Variants in HSCB observed in about 807,000 individuals in gnomAD.
HSCB encodes the protein HscB mitochondrial iron-sulfur cluster cochaperone.
HSCB carries 23 observed loss-of-function variants against 31.3 expected under a neutral mutation model. That is an observed-to-expected ratio of 0.74 (90% CI 0.53 to 1.04). The LOEUF is 1.04. Among genes scored for constraint, HSCB ranks in the 50% least tolerant of loss-of-function variants. The pLI, the probability that HSCB is intolerant of heterozygous loss-of-function variation, is 0.00. For synonymous variants in HSCB, 110 were observed against 104.5 expected (o/e 1.05, Z -0.32); for missense variants, 297 against 288.1 (o/e 1.03, Z -0.22).
chr22:28,749,143 A>AG (rs1487686027), intron 4 of HSCB, among the ~76,000 whole-genome samples: 2 of 102,608 alleles, frequency 1.9e-5, no homozygotes, highest in African/African-American at 9.2e-5. Context: ...CACGTCTCAA[A>AG]GAAAAAAAAA....
At chr22:28,755,071 G>A (rs1474408179) in intron 5 of HSCB, among the ~76,000 whole-genome samples, 1 of 149,320 alleles carries the variant, frequency 6.7e-6, no homozygotes, top group Non-Finnish European at 1.5e-5. Flanking sequence ...TGGGATTACA[G>A]GCGTGAGCCA....
intron 3 of HSCB, chr22:28,745,573 A>G (rs2054672076): frequency 5.0e-6 from 1 of 198,092 alleles, no homozygotes; most frequent in Non-Finnish European, 1.0e-5. Flanking sequence ...CTTACAATCT[A>G]GAAAATTTTA....
intron 5 of HSCB, among the ~76,000 whole-genome samples, chr22:28,756,573 A>C (rs1350349158): frequency 1.3e-5 from 2 of 151,368 alleles, no homozygotes; most frequent in Non-Finnish European, 2.9e-5. Flanking sequence ...GGCTCAAGGG[A>C]TCCTCCCACC....
intron 1 of HSCB, chr22:28,742,727 G>A (rs17878974): frequency 1.3e-3 from 316 of 235,994 alleles, no homozygotes; most frequent in Middle Eastern, 3.3e-3. Context: ...TGAATGAATA[G>A]GGTGAGTAAG....
chr22:28,742,587 A>G, intron 1 of HSCB: 1 of 436,702 alleles, frequency 2.3e-6, no homozygotes, highest in Non-Finnish European at 4.0e-6. Flanking sequence ...AGTTAGAGGA[A>G]ATAGGGGGGC....
chr22:28,746,317 A>T (rs572086996), intron 4 of HSCB, among the ~76,000 whole-genome samples: 138 of 140,740 alleles, frequency 9.8e-4, no homozygotes, highest in African/African-American at 3.6e-3. Flanking sequence ...AGAGGCAGAG[A>T]TTGCAGTAAG....
intron 5 of HSCB, among the ~76,000 whole-genome samples, chr22:28,751,745 C>CAA (rs201705418): frequency 3.8e-5 from 4 of 104,816 alleles, no homozygotes; most frequent in Admixed American, 1.0e-4. Flanking sequence ...GACTCCATCT[C>CAA]AAAAAAAAAA....
At chr22:28,753,420 C>T (rs1569188821) in intron 5 of HSCB, among the ~76,000 whole-genome samples, 1 of 151,500 alleles carries the variant, frequency 6.6e-6, no homozygotes, top group Non-Finnish European at 1.5e-5. Flanking sequence ...CCCAGCTACT[C>T]AGGAGGCTGA....
chr22:28,742,530 G>A (rs2054590562), intron 1 of HSCB, 199 bp downstream of exon 1: 1 of 949,266 alleles, frequency 1.1e-6, no homozygotes, highest in East Asian at 2.7e-5. Context: ...AAGCAACGTT[G>A]AGGTGTGGAG....
chr22:28,749,788 G>A (rs535695632), intron 4 of HSCB, among the ~76,000 whole-genome samples: 51 of 152,226 alleles, frequency 3.4e-4, no homozygotes, highest in African/African-American at 1.0e-3. Flanking sequence ...AATTTTAGAC[G>A]TCAGGGCAGC....
intron 4 of HSCB, among the ~76,000 whole-genome samples, chr22:28,750,400 G>T (rs909416271): frequency 6.6e-6 from 1 of 151,936 alleles, no homozygotes; most frequent in Non-Finnish European, 1.5e-5. Flanking sequence ...AATGTTCAAG[G>T]GCATAGAGCT....
intron 1 of HSCB, chr22:28,742,608 G>T (rs1316082146): frequency 2.1e-6 from 1 of 487,064 alleles, no homozygotes; most frequent in Non-Finnish European, 3.6e-6. Flanking sequence ...CGAGGCTAGA[G>T]GGGAGGGAGA....
chr22:28,755,686 C>A (rs1307911771), intron 5 of HSCB, among the ~76,000 whole-genome samples: 3 of 152,110 alleles, frequency 2.0e-5, no homozygotes, highest in Non-Finnish European at 4.4e-5. Flanking sequence ...TGGAATGATG[C>A]AAATGGTTAT....
At chr22:28,752,378 C>T (rs2146221188) in intron 5 of HSCB, among the ~76,000 whole-genome samples, 1 of 149,516 alleles carries the variant, frequency 6.7e-6, no homozygotes, top group South Asian at 2.1e-4. Flanking sequence ...CTGCAGTAAG[C>T]CAAGATCACG....
chr22:28,743,592 T>TCTTGCTCCCACCTCGAGGTC (rs1312650135), intron 1 of HSCB, among the ~76,000 whole-genome samples: 1 of 152,190 alleles, frequency 6.6e-6, no homozygotes, highest in Non-Finnish European at 1.5e-5. Flanking sequence ...GGCATCCCCA[T>TCTTGCTCCCACCTCGAGGTC]CTTGCTCCCA....
chr22:28,749,184 A>C (rs369542398), intron 4 of HSCB, among the ~76,000 whole-genome samples: 14 of 151,414 alleles, frequency 9.2e-5, no homozygotes, highest in African/African-American at 3.4e-4. Context: ...TCACTGCTCT[A>C]AAACTCTTTA....
chr22:28,742,325 T>C lies in HSCB; in HGVS notation c.230T>C (p.Met77Thr), dbSNP rs752902909. ...CCCACTCGAGACTACTTCAGCCTTA[T>C]GGACTGGTACGAGCGACGGTTTCGG... ...PDPTRDYFSL[M>T]DCNRSFRVDT... Residue 77 changes from methionine to threonine, a missense_variant, in exon 1 of 6, where the codon ATG becomes ACG. By Grantham distance (81) the Met-to-Thr change is moderately conservative. Transcript: ENST00000216027. 6.2e-7 allele frequency: 1 copy of C among 1,612,104 alleles called. No homozygotes were observed.
At chr22:28,748,110 G>A (rs1159111298) in intron 4 of HSCB, among the ~76,000 whole-genome samples, 4 of 152,138 alleles carry the variant, frequency 2.6e-5, no homozygotes, top group African/African-American at 4.8e-5. Flanking sequence ...GCTTGAACCC[G>A]GGAGGCGGAG....
intron 4 of HSCB, among the ~76,000 whole-genome samples, 198 bp from the exon 5 acceptor site, chr22:28,751,043 T>C (rs967634332): frequency 2.7e-5 from 4 of 148,990 alleles, no homozygotes; most frequent in African/African-American, 9.8e-5. Context: ...AACAGTGTTA[T>C]TAGGGTAAAC....
Sources: allele counts gnomAD v4.1 joint callset (sites outside exome capture counted in the v4.1 genomes callset), GRCh38; gene constraint gnomAD v4.1.1; transcripts MANE v1.5; gene names NCBI Gene and HGNC (gene_info 2026-07-23, HGNC 2026-07-21).